The following KCNQ1 variants were observed in gnomAD, a reference collection of about 807,000 sequenced individuals.
KCNQ1 encodes the protein potassium voltage-gated channel subfamily Q member 1.
A neutral mutation model predicts 72.4 loss-of-function variants in KCNQ1; 49 were observed. The ratio of observed to expected loss-of-function variants is 0.68; its 90% confidence interval spans 0.54 to 0.86. The LOEUF (loss-of-function observed/expected upper bound fraction) is 0.86. Ranked by LOEUF, KCNQ1 falls within the 40% of genes least tolerant of loss-of-function variation. KCNQ1 has a pLI of 0.00. For missense variants in KCNQ1, 790 were observed against 945.1 expected, an observed-to-expected ratio of 0.84 and a Z score of 2.15; for synonymous variants, 450 against 412.6, an observed-to-expected ratio of 1.09 and a Z score of -1.10.
intron 11 of KCNQ1, 74 bp downstream of exon 11, chr11:2,662,155 G>A (rs1849971036): frequency 8.7e-6 from 14 of 1,601,094 alleles, no homozygotes; most frequent in East Asian, 2.2e-5. Flanking sequence ...TGGTGCTGGG[G>A]AAGCCTTGCT....
chr11:2,460,501 C>CTCCCTCCT (rs1846261481), intron 1 of KCNQ1, among the ~76,000 whole-genome samples: 1 of 152,080 alleles, frequency 6.6e-6, no homozygotes, highest in African/African-American at 2.4e-5. Context: ...CCCTCCCTCC[C>CTCCCTCCT]TCCCTCCTTC....
rs143726070 is a variant in KCNQ1 at position 2,725,051 on chromosome 11, G to A, written c.1515-43793G>A. 1.6e-4 allele frequency among the ~76,000 whole-genome samples: 25 copies of A among 152,338 alleles called. No individual in the cohort carries two copies. The highest frequency in any genetic ancestry group is 5.3e-4 in the African/African-American group (22 of 41,570). ...CCTGTGGGCCCAATAGAGAAGCACA[G>A]GGTCTGAGAAGCATCAGACAATGAC... is the stretch of plus-strand genomic sequence containing the variant. On this transcript the variant is annotated intron_variant, in intron 11 of 15. Transcript: ENST00000155840. The surrounding 1 kb of genome is among the most constrained non-coding windows in gnomAD (Gnocchi z 7.2).
Position 2,724,215 on chromosome 11 carries a change from T to C in KCNQ1, c.1515-44629T>C, listed in dbSNP as rs1009122911. ...CGCACAGATCCAGGCTCAGATGATA[T>C]ACAGTCCTCCTCCCGGCTCAGGACC... On this transcript the variant is annotated intron_variant, in intron 11 of 15. Coordinates refer to ENST00000155840, the MANE Select transcript of KCNQ1 (RefSeq NM_000218.3). The surrounding 1 kb of genome is among the most constrained non-coding windows in gnomAD (Gnocchi z 6.8). Among the ~76,000 whole-genome samples, 5 of 152,164 alleles carry C rather than the reference T, an allele frequency of 3.3e-5. No homozygotes were observed. The highest frequency in any genetic ancestry group is 7.2e-5 in the African/African-American group (3 of 41,436).
Position 2,612,072 on chromosome 11 carries a change from ACATTG to A in KCNQ1, c.1393+23219_1393+23223del. ...TATATGTTACAACTTAATTACACAT[ACATTG>A]TTACACATCCTGTTAGGACAGGGGT... is the stretch of plus-strand genomic sequence containing the variant. On this transcript the variant is annotated intron_variant, in intron 10 of 15. Coordinates refer to ENST00000155840, the MANE Select transcript of KCNQ1 (RefSeq NM_000218.3). This position sits in a 1 kb window ranked among gnomAD's most constrained non-coding sequence, Gnocchi z 5.5. The A allele has an allele frequency of 2.5e-6, 1 of 398,636 alleles. No homozygotes were observed. The highest frequency in any genetic ancestry group is 4.4e-6 in the Non-Finnish European group (1 of 226,070). The allele number at this position is 398,636 out of a possible 1,614,324, so 24.7% of individuals were successfully genotyped here. A position where few individuals can be genotyped will look rare whatever the true frequency, so the allele number is the denominator to read the frequency against.
At chr11:2,737,154 G>T (rs1011793760) in intron 11 of KCNQ1, among the ~76,000 whole-genome samples, 1 of 152,226 alleles carries the variant, frequency 6.6e-6, no homozygotes, top group African/African-American at 2.4e-5. Context: ...AGGAGAGGAG[G>T]AGGCAGGCAG....
Position 2,815,427 on chromosome 11 carries a change from C to T in KCNQ1, c.1795-32340C>T, listed in dbSNP as rs1219161062. Among the ~76,000 whole-genome samples the T allele has an allele frequency of 2.0e-5, 3 of 152,090 alleles. No homozygotes were observed. The highest frequency in any genetic ancestry group is 4.4e-5 in the Non-Finnish European group (3 of 68,004). On this transcript the variant is annotated intron_variant, in intron 15 of 15. Coordinates refer to ENST00000155840, the MANE Select transcript of KCNQ1 (RefSeq NM_000218.3). The surrounding 1 kb of genome is among the most constrained non-coding windows in gnomAD (Gnocchi z 5.4). The stretch of plus-strand genomic sequence containing the variant: ...GAGGCCCACAGGGTAGTTCTGAGTT[C>T]GGGGGACCCTCTCCTGGCCCTGTGG...
At chr11:2,780,348 A>C (rs1177577941) in intron 15 of KCNQ1, among the ~76,000 whole-genome samples, 1 of 152,178 alleles carries the variant, frequency 6.6e-6, no homozygotes, top group East Asian at 1.9e-4. Context: ...CGGGACCGTA[A>C]ATACCCCAAG....
intron 1 of KCNQ1, among the ~76,000 whole-genome samples, chr11:2,454,065 T>A (rs1254215797): frequency 6.6e-6 from 1 of 152,056 alleles, no homozygotes; most frequent in African/African-American, 2.4e-5. Context: ...CCACCACACC[T>A]GGCGTATCAG....
rs1201770544 is a variant in KCNQ1, at chr11:2,507,515, A to T, written c.387-20413A>T. On this transcript the variant is annotated intron_variant, in intron 1 of 15. Transcript: ENST00000155840. The surrounding 1 kb of genome is among the most constrained non-coding windows in gnomAD (Gnocchi z 5.4). The stretch of plus-strand genomic sequence containing the variant: ...GTGGCGGGTGCAGCGGGAGGAAGAG[A>T]AAAGGATGCTGCTGGGACCCCTCGC... Among the ~76,000 whole-genome samples, 1 of 152,108 alleles carries T rather than the reference A, an allele frequency of 6.6e-6. No homozygotes were observed. The highest frequency in any genetic ancestry group is 1.5e-5 in the Non-Finnish European group (1 of 68,026).
chr11:2,693,690 C>T (rs111275623), intron 11 of KCNQ1: 20 of 398,642 alleles, frequency 5.0e-5, no homozygotes, highest in African/African-American at 2.3e-4. Context: ...AGACTGGGTG[C>T]GCTCCAGCCT....
rs75053500 is a variant in KCNQ1 at position 2,745,731 on chromosome 11, C to T, written c.1515-23113C>T. Among the ~76,000 whole-genome samples the T allele has an allele frequency of 2.6e-3, 396 of 152,334 alleles. No individual in the cohort carries two copies. The highest frequency in any genetic ancestry group is 4.9e-3 in the Admixed American group (75 of 15,296). ...CTGACACGATACAGGGATTTGCTGA[C>T]GGTTCCTTGTCTGCTCACTAAGCGT... is the stretch of plus-strand genomic sequence containing the variant. On this transcript the variant is annotated intron_variant, in intron 11 of 15. Coordinates refer to ENST00000155840, the MANE Select transcript of KCNQ1 (RefSeq NM_000218.3). The surrounding 1 kb of genome is among the most constrained non-coding windows in gnomAD (Gnocchi z 6.2).
chr11:2,462,494 G>A lies in KCNQ1; in HGVS notation c.386+17010G>A, dbSNP rs185463325. On this transcript the variant is annotated intron_variant, in intron 1 of 15. Transcript: ENST00000155840. This position sits in a 1 kb window ranked among gnomAD's most constrained non-coding sequence, Gnocchi z 8.2. The stretch of plus-strand genomic sequence containing the variant: ...CCACCTGTGACATTGCCACCACCTC[G>A]CTGTAATCTGGGCAGCAGCTGTCAT... Among the ~76,000 whole-genome samples, 247 of 152,256 alleles carry A rather than the reference G, an allele frequency of 1.6e-3. 1 individual carries two copies. Among genetic ancestry groups the A allele is most frequent in the African/African-American group, 5.2e-3 (217 of 41,536 alleles).
intron 10 of KCNQ1, chr11:2,649,353 C>T (rs1849722723): frequency 2.5e-6 from 1 of 398,206 alleles, no homozygotes; most frequent in Non-Finnish European, 4.4e-6. Flanking sequence ...CTTTTCCTTT[C>T]TCATTTGTGT....
intron 1 of KCNQ1, among the ~76,000 whole-genome samples, chr11:2,518,847 G>T (rs1024035312): frequency 2.0e-5 from 3 of 152,218 alleles, no homozygotes; most frequent in Non-Finnish European, 2.9e-5. Context: ...ATAAGACAGC[G>T]TGAGGCATGG....
At chr11:2,792,454 A>G (rs557521705) in intron 15 of KCNQ1, among the ~76,000 whole-genome samples, 75 of 152,332 alleles carry the variant, frequency 4.9e-4, no homozygotes, top group African/African-American at 1.7e-3. Context: ...CCAGGTGGAT[A>G]GGAGGGACGG....
At chr11:2,584,479 G>A (rs1848557300) in intron 7 of KCNQ1, among the ~76,000 whole-genome samples, 1 of 150,348 alleles carries the variant, frequency 6.7e-6, no homozygotes, top group South Asian at 2.1e-4. Context: ...GTATGTTAGT[G>A]TTAGTGTGTG....
chr11:2,745,521 T>C lies in KCNQ1; in HGVS notation c.1515-23323T>C, dbSNP rs1415991774. On this transcript the variant is annotated intron_variant, in intron 11 of 15. Coordinates refer to ENST00000155840, the MANE Select transcript of KCNQ1 (RefSeq NM_000218.3). This position sits in a 1 kb window ranked among gnomAD's most constrained non-coding sequence, Gnocchi z 6.2. ...TCAGCTCTATTGATTGATCTTTTGA[T>C]CCTGCTGATTGTCTAAGTGGATCGG... Among the ~76,000 whole-genome samples the C allele has an allele frequency of 2.0e-5, 3 of 152,222 alleles. No homozygotes were observed. Among genetic ancestry groups the C allele is most frequent in the Non-Finnish European group, 4.4e-5 (3 of 68,038 alleles).
chr11:2,461,334 C>T lies in KCNQ1; in HGVS notation c.386+15850C>T, dbSNP rs940785859. ...AGCAGATTTGTAGTCTGGTTGCTGT[C>T]GTTCCTGAAATAGCCTCTGAAGCTC... On this transcript the variant is annotated intron_variant, in intron 1 of 15. Coordinates refer to ENST00000155840, the MANE Select transcript of KCNQ1 (RefSeq NM_000218.3). 23 of 1,002,832 alleles carry T rather than the reference C, an allele frequency of 2.3e-5. 1 individual carries two copies. The highest frequency in any genetic ancestry group is 1.8e-4 in the South Asian group (11 of 62,118). The allele number at this position is 1,002,832 out of a possible 1,614,324, so 62.1% of individuals were successfully genotyped here. A position where few individuals can be genotyped will look rare whatever the true frequency, so the allele number is the denominator to read the frequency against.
At chr11:2,680,471 ATTTT>A in intron 11 of KCNQ1, 1 of 397,664 alleles carries the variant, frequency 2.5e-6, no homozygotes, top group East Asian at 3.6e-5. Context: ...AGGACTACTG[ATTTT>A]TTTTTAATTT....
Sources: allele counts gnomAD v4.1 joint callset (sites outside exome capture counted in the v4.1 genomes callset), GRCh38; gene constraint gnomAD v4.1.1; non-coding constraint Gnocchi (gnomAD v3.1); transcripts MANE v1.5; gene names NCBI Gene and HGNC (gene_info 2026-07-23, HGNC 2026-07-21).